The following SNX3 variants were observed in gnomAD, a reference collection of about 807,000 sequenced individuals.
SNX3 encodes sorting nexin 3.
A neutral mutation model predicts 17.7 loss-of-function variants in SNX3; 5 were observed. That is an observed-to-expected ratio of 0.28 (90% CI 0.15 to 0.59). The LOEUF is 0.59. Ranked by LOEUF, SNX3 falls within the 20% of genes least tolerant of loss-of-function variation. The pLI is 0.88. For missense variants in SNX3, 132 were observed against 206.8 expected (o/e 0.64, Z 2.22); for synonymous variants, 91 against 76.5 (o/e 1.19, Z -0.99).
chr6:108,220,717 C>A (rs1352404661), intron 2 of SNX3, among the ~76,000 whole-genome samples: 1 of 152,128 alleles, frequency 6.6e-6, no homozygotes, highest in Non-Finnish European at 1.5e-5. Flanking sequence ...GTGGCTCACA[C>A]CTGTAATCCC....
At chr6:108,214,820 C>T (rs1041388525) in intron 2 of SNX3, among the ~76,000 whole-genome samples, 198 bp from the exon 3 acceptor site, 3 of 152,188 alleles carry the variant, frequency 2.0e-5, no homozygotes, top group Non-Finnish European at 2.9e-5. Context: ...CAGACAAAAG[C>T]TCCTAATTCA....
At chr6:108,257,584 T>G (rs1008178258) in intron 1 of SNX3, among the ~76,000 whole-genome samples, 7 of 152,198 alleles carry the variant, frequency 4.6e-5, no homozygotes, top group African/African-American at 1.7e-4. Flanking sequence ...AAGACTATAA[T>G]TACTCTAAAA....
intron 1 of SNX3, among the ~76,000 whole-genome samples, chr6:108,239,863 A>G (rs1027825382): frequency 6.6e-6 from 1 of 152,248 alleles, no homozygotes; most frequent in African/African-American, 2.4e-5. Context: ...TTGATTAAGA[A>G]GCTTCTAAAA....
intron 1 of SNX3, among the ~76,000 whole-genome samples, chr6:108,259,608 GT>G (rs1217665881): frequency 6.6e-6 from 1 of 152,172 alleles, no homozygotes; most frequent in African/African-American, 2.4e-5. Context: ...ATATCTTAAA[GT>G]TTGATTAACT....
At chr6:108,230,903 T>C (rs896775367) in intron 1 of SNX3, among the ~76,000 whole-genome samples, 1 of 152,204 alleles carries the variant, frequency 6.6e-6, no homozygotes, top group Non-Finnish European at 1.5e-5. Flanking sequence ...ATGCCTTTGT[T>C]AATTGTTATT....
At chr6:108,251,476 G>A (rs944052479) in intron 1 of SNX3, among the ~76,000 whole-genome samples, 3 of 152,122 alleles carry the variant, frequency 2.0e-5, no homozygotes, top group African/African-American at 4.8e-5. Context: ...ACAGCAATGC[G>A]CAGAAACAGA....
chr6:108,233,605 C>T (rs1249989179), intron 1 of SNX3, among the ~76,000 whole-genome samples: 3 of 152,048 alleles, frequency 2.0e-5, no homozygotes, highest in East Asian at 3.9e-4. Flanking sequence ...AAAAATTAGC[C>T]GGGCATGGTG....
chr6:108,241,142 T>A (rs1328714738), intron 1 of SNX3, among the ~76,000 whole-genome samples: 1 of 24,284 alleles, frequency 4.1e-5, no homozygotes. Flanking sequence ...AGACTCCGTC[T>A]CAAAAAAAAA....
At position 108,214,608 on chromosome 6, in the gene SNX3, C is replaced by A; in HGVS notation, c.273G>T (p.Pro91=). ...LERESKVVVP[P]LPGKAFLRQL... ...GACGCAAAAACGCTTTCCCAGGGAG[C>A]GGGGGAACTACGACCTAAAATGTGA... Residue 91 remains proline (P), a synonymous_variant, in exon 3 of 4, where the codon CCG becomes CCT. Transcript: ENST00000230085. The A allele has an allele frequency of 6.2e-7, 1 of 1,611,940 alleles. No individual in the cohort carries two copies. The highest frequency in any genetic ancestry group is 8.5e-7 in the Non-Finnish European group (1 of 1,179,510).
Position 108,225,311 on chromosome 6 carries a change from A to T in SNX3, c.163-2266T>A, listed in dbSNP as rs112449117. On this transcript the variant is annotated intron_variant, in intron 1 of 3. Coordinates refer to ENST00000230085, the MANE Select transcript of SNX3 (RefSeq NM_003795.6). ...AACAAAAACAACAACAAGAAAAAAT[A>T]TGCTAGGCCTGGCGTGGTGGCTCAC... 5.9e-3 allele frequency among the ~76,000 whole-genome samples: 902 copies of T among 151,916 alleles called. 13 individuals carry two copies. Among genetic ancestry groups the T allele is most frequent in the African/African-American group, 0.021 (869 of 41,464 alleles).
intron 1 of SNX3, among the ~76,000 whole-genome samples, chr6:108,247,818 C>G (rs983362298): frequency 2.0e-5 from 3 of 152,120 alleles, no homozygotes; most frequent in African/African-American, 4.8e-5. Context: ...CAAATTATAG[C>G]CGGGTGTGGT....
intron 2 of SNX3, among the ~76,000 whole-genome samples, chr6:108,220,427 C>T (rs1014448792): frequency 7.2e-5 from 11 of 151,952 alleles, no homozygotes; most frequent in Non-Finnish European, 4.4e-5. Flanking sequence ...TTTAGATGCA[C>T]AAATGCTTCC....
At chr6:108,230,240 T>C (rs1775101797) in intron 1 of SNX3, among the ~76,000 whole-genome samples, 1 of 152,080 alleles carries the variant, frequency 6.6e-6, no homozygotes, top group Non-Finnish European at 1.5e-5. Flanking sequence ...AACAGCAAGA[T>C]TTAGTATTCT....
intron 1 of SNX3, among the ~76,000 whole-genome samples, chr6:108,239,289 A>G (rs1424675652): frequency 1.3e-5 from 2 of 152,086 alleles, no homozygotes; most frequent in Non-Finnish European, 2.9e-5. Context: ...TCTGGAACTC[A>G]TTAACAGTAC....
At chr6:108,227,049 G>A (rs1225288981) in intron 1 of SNX3, among the ~76,000 whole-genome samples, 3 of 152,138 alleles carry the variant, frequency 2.0e-5, no homozygotes, top group Admixed American at 2.0e-4. Flanking sequence ...ATTCCCCACA[G>A]GGAATAAAAT....
chr6:108,231,002 A>AG (rs1775128893), intron 1 of SNX3, among the ~76,000 whole-genome samples: 2 of 152,164 alleles, frequency 1.3e-5, no homozygotes, highest in African/African-American at 4.8e-5. Flanking sequence ...CAAAGAAGAC[A>AG]GGCAAAAAAA....
intron 2 of SNX3, among the ~76,000 whole-genome samples, chr6:108,219,056 C>T (rs1048684677): frequency 1.3e-5 from 2 of 152,158 alleles, no homozygotes; most frequent in Non-Finnish European, 2.9e-5. Context: ...AAAGCTGTTA[C>T]TAAAAACAAA....
chr6:108,223,908 A>G lies in SNX3; in HGVS notation c.163-863T>C, dbSNP rs575910005. On this transcript the variant is annotated intron_variant, in intron 1 of 3. Coordinates refer to ENST00000230085, the MANE Select transcript of SNX3 (RefSeq NM_003795.6). Reference sequence around the variant, plus strand: ...GAGGATATTTACATAAATGTAGGTCATTTTCTTATTATTTCAGTGAGCTTT... The same window carrying G: ...GAGGATATTTACATAAATGTAGGTCGTTTTCTTATTATTTCAGTGAGCTTT... 5.3e-5 allele frequency among the ~76,000 whole-genome samples: 8 copies of G among 152,204 alleles called. No homozygotes were observed. In the East Asian group the frequency reaches 1.5e-3, roughly 29 times the overall value.
chr6:108,216,222 A>G (rs977845508), intron 2 of SNX3, among the ~76,000 whole-genome samples: 4 of 152,062 alleles, frequency 2.6e-5, no homozygotes, highest in African/African-American at 9.7e-5. Context: ...CTACAGGTAC[A>G]TAGCGTGCTA....
Sources: allele counts gnomAD v4.1 joint callset (sites outside exome capture counted in the v4.1 genomes callset), GRCh38; gene constraint gnomAD v4.1.1; transcripts MANE v1.5; gene names NCBI Gene and HGNC (gene_info 2026-07-23, HGNC 2026-07-21).